Variants in CSMD1 observed in about 807,000 individuals in gnomAD.
The protein encoded by CSMD1 is CUB and sushi domain-containing protein 1.
In CSMD1, 213 loss-of-function variants were observed where a neutral mutation model predicts 417.5. The ratio of observed to expected loss-of-function variants is 0.51; its 90% CI spans 0.46 to 0.57. The LOEUF is 0.57. Among genes scored for constraint, CSMD1 ranks in the 20% least tolerant of loss-of-function variants. CSMD1 has a pLI of 0.00. For synonymous variants in CSMD1, 2,862 were observed against 1,736.8 expected (o/e 1.65, Z -16.11); for missense variants, 6,923 against 4,529.7 (o/e 1.53, Z -15.17).
chr8:2,993,696 T>A (rs1440442735), intron 54 of CSMD1, among the ~76,000 whole-genome samples: 2 of 152,122 alleles, frequency 1.3e-5, no homozygotes, highest in Non-Finnish European at 2.9e-5. Context: ...AGCTCTTGGT[T>A]TTGTTTCTAA....
chr8:3,556,413 A>ATATATC, intron 10 of CSMD1, among the ~76,000 whole-genome samples: 1 of 141,748 alleles, frequency 7.1e-6, no homozygotes, highest in East Asian at 2.0e-4. Context: ...ATATATATAT[A>ATATATC]TTCACACACA....
At chr8:4,532,647 C>A (rs1448389898) in intron 2 of CSMD1, among the ~76,000 whole-genome samples, 1 of 147,136 alleles carries the variant, frequency 6.8e-6, no homozygotes, top group East Asian at 2.0e-4. Flanking sequence ...AAATCCTGCA[C>A]CCCCATTCAG....
intron 5 of CSMD1, among the ~76,000 whole-genome samples, chr8:3,981,758 G>A (rs370297856): frequency 1.3e-5 from 2 of 152,084 alleles, no homozygotes; most frequent in South Asian, 2.1e-4. Context: ...AGACCCTGCC[G>A]TCCGACAGGC....
At chr8:4,641,485 A>C (rs1803184563) in intron 1 of CSMD1, among the ~76,000 whole-genome samples, 2 of 152,134 alleles carry the variant, frequency 1.3e-5, no homozygotes, top group African/African-American at 4.8e-5. Context: ...TCTGTTTTCA[A>C]ACTACATTTT....
intron 21 of CSMD1, among the ~76,000 whole-genome samples, chr8:3,352,668 T>C (rs1407047296): frequency 2.6e-5 from 4 of 152,062 alleles, no homozygotes; most frequent in African/African-American, 9.7e-5. Context: ...GGTGAAACCC[T>C]ATCTCTATTA....
chr8:3,487,656 T>G (rs1353808650), intron 11 of CSMD1, among the ~76,000 whole-genome samples: 2 of 152,210 alleles, frequency 1.3e-5, no homozygotes, highest in Non-Finnish European at 2.9e-5. Context: ...ATAATGGAAT[T>G]GCCAGATAGA....
At chr8:3,348,452 C>A (rs559681381) in intron 21 of CSMD1, among the ~76,000 whole-genome samples, 96 of 152,278 alleles carry the variant, frequency 6.3e-4, no homozygotes, top group Admixed American at 1.0e-3. Context: ...AGAGGTGCTC[C>A]AGCACCATGG....
chr8:4,846,818 T>C (rs890285089), intron 1 of CSMD1, among the ~76,000 whole-genome samples: 1 of 152,220 alleles, frequency 6.6e-6, no homozygotes, highest in African/African-American at 2.4e-5. Context: ...TGCAAAACTA[T>C]ATCTGGCATA....
Position 3,673,308 on chromosome 8 carries a change from AC to A in CSMD1, c.1009+35105del, listed in dbSNP as rs373503609. On this transcript the variant is annotated intron_variant, in intron 7 of 69. Coordinates refer to ENST00000635120, the MANE Select transcript of CSMD1 (RefSeq NM_033225.6). ...TCCGTATCCTCTACAAGCCTGCTTA[AC>A]AGGTAAACTGAAAATTCAGCAAGTA... 4.7e-4 allele frequency among the ~76,000 whole-genome samples: 72 copies of A among 152,324 alleles called. 1 individual carries two copies. In the East Asian group the frequency reaches 0.014, roughly 29 times the overall value.
intron 26 of CSMD1, among the ~76,000 whole-genome samples, chr8:3,277,657 G>A (rs919010854): frequency 6.6e-6 from 1 of 152,290 alleles, no homozygotes; most frequent in Admixed American, 6.5e-5. Context: ...GCATGAACAA[G>A]GACTGTGGTT....
intron 2 of CSMD1, among the ~76,000 whole-genome samples, chr8:4,536,029 A>G (rs1797084800): frequency 6.6e-6 from 1 of 152,166 alleles, no homozygotes; most frequent in Non-Finnish European, 1.5e-5. Context: ...TATTAACATT[A>G]TTTTTGAAAA....
intron 1 of CSMD1, among the ~76,000 whole-genome samples, chr8:4,736,892 T>C (rs1230331638): frequency 6.6e-6 from 1 of 152,166 alleles, no homozygotes; most frequent in Non-Finnish European, 1.5e-5. Context: ...TCAGTAAATG[T>C]TATCAGCTGT....
rs145290344 is a variant in CSMD1, at chr8:3,436,866, G to C, written c.1562-27261C>G. On this transcript the variant is annotated intron_variant, in intron 12 of 69. Transcript: ENST00000635120. The stretch of plus-strand genomic sequence containing the variant: ...TATGTTATGATTCGGGATTATTAGA[G>C]ATGAAAACATTAAGGTAATGCCAAT... 1.1e-3 allele frequency among the ~76,000 whole-genome samples: 163 copies of C among 152,198 alleles called. 2 individuals carry two copies. The highest frequency in any genetic ancestry group is 6.8e-3 in the Middle Eastern group (2 of 294).
chr8:3,217,778 A>C (rs1797963740), intron 29 of CSMD1, among the ~76,000 whole-genome samples: 1 of 152,174 alleles, frequency 6.6e-6, no homozygotes. Context: ...TTTGGGAGCA[A>C]AGAAACCAAT....
rs60590169 is a variant in CSMD1, at chr8:3,865,559, C to T, written c.819-111517G>A. On this transcript the variant is annotated intron_variant, in intron 5 of 69. Coordinates refer to ENST00000635120, the MANE Select transcript of CSMD1 (RefSeq NM_033225.6). ...CAATGAGGGACCAAGCAGGCACGTA[C>T]AGTGGGAAGCCGCAGGAGAATTCAG... is the stretch of plus-strand genomic sequence containing the variant. 7.1e-3 allele frequency among the ~76,000 whole-genome samples: 1,080 copies of T among 152,124 alleles called. 11 individuals carry two copies. The highest frequency in any genetic ancestry group is 0.024 in the African/African-American group (1,009 of 41,480).
chr8:4,344,092 C>A (rs904698380), intron 3 of CSMD1, among the ~76,000 whole-genome samples: 11 of 152,232 alleles, frequency 7.2e-5, no homozygotes, highest in Admixed American at 7.2e-4. Flanking sequence ...ACACGGTATA[C>A]CAGCACCTCG....
At chr8:3,529,631 G>C (rs1416600978) in intron 10 of CSMD1, among the ~76,000 whole-genome samples, 1 of 152,232 alleles carries the variant, frequency 6.6e-6, no homozygotes, top group South Asian at 2.1e-4. Flanking sequence ...TTTGTCAAAA[G>C]TATAGTGTTT....
chr8:4,457,728 G>C (rs1433253695), intron 2 of CSMD1, among the ~76,000 whole-genome samples: 1 of 152,108 alleles, frequency 6.6e-6, no homozygotes, highest in Non-Finnish European at 1.5e-5. Flanking sequence ...TCCTTCATGT[G>C]CTCCTCTGTA....
Position 3,451,857 on chromosome 8 carries a change from T to G in CSMD1, c.1561+16855A>C, listed in dbSNP as rs973118040. Among the ~76,000 whole-genome samples the G allele has an allele frequency of 1.7e-4, 26 of 152,286 alleles. 1 individual carries two copies. In the East Asian group the frequency reaches 3.1e-3, roughly 18 times the overall value. ...GTTTTTTCCAATTACGTGAAGAAAG[T>G]CATTGGTAGCTTGATGGGGATGGCA... On this transcript the variant is annotated intron_variant, in intron 12 of 69. Transcript: ENST00000635120.
Sources: gnomAD v4.1 joint callset for allele counts (sites outside exome capture counted in the v4.1 genomes callset) on GRCh38, gnomAD v4.1.1 for gene constraint, MANE v1.5 for transcripts, NCBI Gene and HGNC (gene_info 2026-07-23, HGNC 2026-07-21) for gene names.